KDM6A: variants seen among roughly 807,000 people sequenced by gnomAD.
KDM6A encodes lysine demethylase 6A.
A neutral mutation model predicts 117.6 loss-of-function variants in KDM6A; 11 were observed. That is an observed-to-expected ratio of 0.09 (90% CI 0.06 to 0.15). The LOEUF (loss-of-function observed/expected upper bound fraction) is 0.15, where lower values mean the gene tolerates loss of function less well. KDM6A is among the 10% of genes least tolerant of loss of function. The pLI is 1.00. For synonymous variants in KDM6A, 384 were observed against 396.1 expected (o/e 0.97, Z 0.36); for missense variants, 799 against 1,077.3 (o/e 0.74, Z 3.62).
chrX:44,978,428 CAG>C (rs34660233), intron 4 of KDM6A, among the ~76,000 whole-genome samples: 108 of 111,975 alleles, frequency 9.6e-4, no homozygotes, highest in African/African-American at 3.2e-3. Context: ...ATTTTACTAA[CAG>C]AGATTTTATA....
chrX:45,049,240 C>T (rs1318816800), intron 8 of KDM6A, among the ~76,000 whole-genome samples: 2 of 111,899 alleles, frequency 1.8e-5, no homozygotes, highest in Non-Finnish European at 3.8e-5. Flanking sequence ...CTTGTATGTT[C>T]TGATTTCTAG....
chrX:44,933,585 T>C (rs1182230710), intron 2 of KDM6A, among the ~76,000 whole-genome samples: 1 of 107,219 alleles, frequency 9.3e-6, no homozygotes, highest in African/African-American at 3.4e-5. Flanking sequence ...TGTTTTTGTT[T>C]GTTTGTTTTT....
At chrX:45,101,608 C>T (rs919750443) in intron 27 of KDM6A, among the ~76,000 whole-genome samples, 19 of 110,680 alleles carry the variant, frequency 1.7e-4, no homozygotes, top group African/African-American at 5.6e-4. Context: ...CTCCCCATAA[C>T]AAAGAATTAC....
At chrX:45,102,052 G>C (rs2046355445) in intron 27 of KDM6A, among the ~76,000 whole-genome samples, 1 of 111,276 alleles carries the variant, frequency 9.0e-6, no homozygotes, top group South Asian at 3.7e-4. Flanking sequence ...TCTCTTAAAG[G>C]CTCTAATCCT....
In KDM6A at chrX:44,980,481, G is replaced by A. The variant is rs140370367; in HGVS notation, c.384+5766G>A. Among the ~76,000 whole-genome samples, 348 of 109,606 alleles carry A rather than the reference G, an allele frequency of 3.2e-3. 1 individual carries two copies. Among genetic ancestry groups the A allele is most frequent in the African/African-American group, 0.011 (326 of 30,110 alleles). On this transcript the variant is annotated intron_variant, in intron 4 of 29. Transcript: ENST00000611820. The stretch of plus-strand genomic sequence containing the variant: ...GCATTTGCTTGTTCGTGAACATGGC[G>A]TATTTCACCCTGTATTTAGCCTTCT...
At chrX:45,004,220 C>T (rs5952666) in intron 4 of KDM6A, among the ~76,000 whole-genome samples, 1 of 110,598 alleles carries the variant, frequency 9.0e-6, no homozygotes, top group African/African-American at 3.3e-5. Context: ...CTTTAGGGGG[C>T]CTGGTAGATG....
chrX:44,962,086 T>TAG (rs2038698980), intron 3 of KDM6A, among the ~76,000 whole-genome samples: 1 of 111,923 alleles, frequency 8.9e-6, no homozygotes, highest in Non-Finnish European at 1.9e-5. Context: ...CTTTTGATGA[T>TAG]AGTAAACATT....
chrX:45,111,736 T>C lies in KDM6A; in HGVS notation c.*325T>C, dbSNP rs1172915012. 1 of 221,159 alleles carries C rather than the reference T, an allele frequency of 4.5e-6. No homozygotes were observed. The highest frequency in any genetic ancestry group is 8.2e-6 in the Non-Finnish European group (1 of 121,542). The allele number at this position is 221,159 out of a possible 1,213,427, so 18.2% of individuals were successfully genotyped here. On this transcript the variant is annotated 3_prime_UTR_variant, in exon 30 of 30. Transcript: ENST00000611820. ...TTCTCTATTTCTGGGCTGATGAATT[T>C]GTTTTCATCTGTCTTTTCCCCCTTC...
In KDM6A at chrX:44,971,128, TTGAC is replaced by T. The variant is rs767544114; in HGVS notation, c.335-3536_335-3533del. On this transcript the variant is annotated intron_variant, in intron 3 of 29. Coordinates refer to ENST00000611820, the MANE Select transcript of KDM6A (RefSeq NM_001291415.2). ...CACCATTGACTACACAAACTCTTGC[TTGAC>T]TATTTTTTTTCTACAGCTGGTTTGA... Among the ~76,000 whole-genome samples the T allele has an allele frequency of 1.1e-4, 12 of 112,126 alleles. No individual in the cohort carries two copies. The East Asian group carries it at 1.1e-3, about 10-fold the overall frequency.
chrX:44,939,674 A>G (rs1203646908), intron 2 of KDM6A, among the ~76,000 whole-genome samples: 1 of 111,986 alleles, frequency 8.9e-6, no homozygotes, highest in Non-Finnish European at 1.9e-5. Flanking sequence ...ACAGCATCAC[A>G]TGCTACTGAG....
chrX:45,006,498 C>T (rs771938574), intron 4 of KDM6A, among the ~76,000 whole-genome samples: 40 of 110,723 alleles, frequency 3.6e-4, no homozygotes, highest in Non-Finnish European at 6.0e-4. Flanking sequence ...CCCTGACACA[C>T]GTAGCCCCTA....
At chrX:44,956,356 T>A (rs1379570704) in intron 2 of KDM6A, among the ~76,000 whole-genome samples, 3 of 111,524 alleles carry the variant, frequency 2.7e-5, no homozygotes, top group Non-Finnish European at 5.6e-5. Context: ...GAATATTTTT[T>A]AAATTTCCTT....
At chrX:45,106,908 T>C (rs1347508474) in intron 27 of KDM6A, 1 of 196,449 alleles carries the variant, frequency 5.1e-6, no homozygotes, top group African/African-American at 3.0e-5. Flanking sequence ...AAATATTTTT[T>C]CTGCTTATAG....
intron 15 of KDM6A, among the ~76,000 whole-genome samples, chrX:45,062,387 A>G (rs1602809401): frequency 8.9e-6 from 1 of 112,433 alleles, no homozygotes. Flanking sequence ...AGAATACTGT[A>G]TGGATGAGTA....
intron 27 of KDM6A, among the ~76,000 whole-genome samples, chrX:45,092,796 A>G (rs2045946079): frequency 9.0e-6 from 1 of 111,622 alleles, no homozygotes; most frequent in Non-Finnish European, 1.9e-5. Flanking sequence ...TTAGCCCTGA[A>G]TAATGAGATG....
intron 3 of KDM6A, among the ~76,000 whole-genome samples, chrX:44,963,499 C>CTGTCTGTGTGTCTCTG (rs796328734): frequency 1.2e-5 from 1 of 81,137 alleles, no homozygotes; most frequent in East Asian, 3.8e-4. Flanking sequence ...GTCTGTCTGT[C>CTGTCTGTGTGTCTCTG]TCTGTCTGTC....
intron 17 of KDM6A, among the ~76,000 whole-genome samples, chrX:45,068,321 A>T (rs2148023806): frequency 9.0e-6 from 1 of 110,820 alleles, no homozygotes; most frequent in South Asian, 3.8e-4. Flanking sequence ...TCTCTGTGAC[A>T]CCAGAGGCAA....
In KDM6A at chrX:45,086,983, ACTT is replaced by A. The variant is rs747493342; in HGVS notation, c.3704+1005_3704+1007del. ...TAATTATACACATATTCCACATACT[ACTT>A]TATTTTTATTTTTTCCTTTTTTAAG... is the stretch of plus-strand genomic sequence containing the variant. On this transcript the variant is annotated intron_variant, in intron 25 of 29. Coordinates refer to ENST00000611820, the MANE Select transcript of KDM6A (RefSeq NM_001291415.2). 4.0e-3 allele frequency among the ~76,000 whole-genome samples: 445 copies of A among 112,412 alleles called. 4 individuals are homozygous for A. Among genetic ancestry groups the A allele is most frequent in the African/African-American group, 0.014 (423 of 31,017 alleles).
chrX:45,099,280 A>C (rs967295562), intron 27 of KDM6A, among the ~76,000 whole-genome samples: 2 of 102,828 alleles, frequency 1.9e-5, no homozygotes, highest in African/African-American at 4.1e-5. Flanking sequence ...GATTTCCCCA[A>C]CTATCCAAAA....
Sources: gnomAD v4.1 joint callset for allele counts (sites outside exome capture counted in the v4.1 genomes callset) on GRCh38, gnomAD v4.1.1 for gene constraint, MANE v1.5 for transcripts, NCBI Gene and HGNC (gene_info 2026-07-23, HGNC 2026-07-21) for gene names.